PHACTR3: variants seen among roughly 807,000 people sequenced by gnomAD.
PHACTR3 encodes phosphatase and actin regulator 3.
Under a neutral mutation model 66.8 loss-of-function variants are expected in PHACTR3, and 16 were observed. The observed-to-expected ratio is 0.24, with a 90% CI of 0.16 to 0.36. The LOEUF is 0.36. PHACTR3 is among the 10% of genes least tolerant of loss of function. PHACTR3 has a pLI of 1.00. For synonymous variants in PHACTR3, 323 were observed against 292.1 expected (o/e 1.11, Z -1.08); for missense variants, 647 against 719.9 (o/e 0.90, Z 1.16).
chr20:59,595,135 T>C (rs1263517439), intron 1 of PHACTR3, among the ~76,000 whole-genome samples: 1 of 152,230 alleles, frequency 6.6e-6, no homozygotes, highest in African/African-American at 2.4e-5. Flanking sequence ...AATTTCACTG[T>C]GGCCTGAGAG....
At chr20:59,828,156 G>A (rs866973179) in intron 8 of PHACTR3, among the ~76,000 whole-genome samples, 1 of 152,350 alleles carries the variant, frequency 6.6e-6, no homozygotes, top group Middle Eastern at 3.4e-3. Flanking sequence ...ACACACACAG[G>A]AGGTATTTTG....
chr20:59,771,716 C>T (rs1601318028), intron 5 of PHACTR3, among the ~76,000 whole-genome samples: 2 of 152,356 alleles, frequency 1.3e-5, no homozygotes, highest in East Asian at 3.9e-4. Context: ...GACGGCAGGG[C>T]CTGGCCCGTT....
At chr20:59,745,830 C>A (rs549750202) in intron 2 of PHACTR3, among the ~76,000 whole-genome samples, 1 of 152,220 alleles carries the variant, frequency 6.6e-6, no homozygotes, top group South Asian at 2.1e-4. Context: ...CCACCACTGA[C>A]GTCCCCATCC....
At chr20:59,761,985 C>T (rs1013833195) in intron 4 of PHACTR3, among the ~76,000 whole-genome samples, 1 of 152,216 alleles carries the variant, frequency 6.6e-6, no homozygotes, top group Admixed American at 6.5e-5. Context: ...ACAGATGTTG[C>T]AATTTCAGTT....
chr20:59,662,310 G>A (rs1357925865), intron 1 of PHACTR3, among the ~76,000 whole-genome samples: 1 of 152,278 alleles, frequency 6.6e-6, no homozygotes, highest in East Asian at 1.9e-4. Flanking sequence ...CCAGCTTGGG[G>A]TGGGGTGGGG....
At chr20:59,596,664 G>A (rs185543339) in intron 1 of PHACTR3, among the ~76,000 whole-genome samples, 4 of 152,180 alleles carry the variant, frequency 2.6e-5, no homozygotes, top group South Asian at 2.1e-4. Context: ...GTTATTCTGC[G>A]TGTAACACCT....
At chr20:59,745,507 G>A (rs181165328) in intron 2 of PHACTR3, among the ~76,000 whole-genome samples, 2 of 152,366 alleles carry the variant, frequency 1.3e-5, no homozygotes, top group East Asian at 1.9e-4. Context: ...GGAAATTCGA[G>A]GAACAGTGCT....
intron 4 of PHACTR3, among the ~76,000 whole-genome samples, chr20:59,757,049 T>C (rs894020723): frequency 7.9e-5 from 12 of 152,222 alleles, no homozygotes; most frequent in Admixed American, 6.5e-5. Context: ...GTGAAGGATA[T>C]GAACAGACAC....
chr20:59,810,356 C>A (rs916866684), intron 8 of PHACTR3, among the ~76,000 whole-genome samples: 4 of 152,242 alleles, frequency 2.6e-5, no homozygotes, highest in Non-Finnish European at 5.9e-5. Flanking sequence ...AATGTAGTAG[C>A]TCCCTGCTAT....
chr20:59,654,174 C>T (rs1055425846), intron 1 of PHACTR3, among the ~76,000 whole-genome samples: 18 of 152,166 alleles, frequency 1.2e-4, no homozygotes, highest in African/African-American at 3.6e-4. Flanking sequence ...AATTGGTCAC[C>T]GTTGTATATT....
intron 1 of PHACTR3, among the ~76,000 whole-genome samples, chr20:59,585,020 T>C (rs117124140): frequency 0.012 from 1,755 of 152,254 alleles, 17 homozygotes; most frequent in Admixed American, 0.027. Context: ...ATATACATAT[T>C]AGGGGGAGTA....
intron 1 of PHACTR3, among the ~76,000 whole-genome samples, chr20:59,637,846 G>C (rs796881093): frequency 2.8e-4 from 42 of 152,262 alleles, no homozygotes; most frequent in African/African-American, 1.0e-3. Flanking sequence ...CTATGAGGGT[G>C]GCTACCATTT....
intron 7 of PHACTR3, among the ~76,000 whole-genome samples, chr20:59,777,295 A>C (rs1308510260): frequency 6.6e-6 from 1 of 152,194 alleles, no homozygotes; most frequent in Non-Finnish European, 1.5e-5. Context: ...TTTCCAAATA[A>C]GGTCACTTTC....
intron 1 of PHACTR3, among the ~76,000 whole-genome samples, chr20:59,658,359 T>A (rs1395768684): frequency 6.6e-6 from 1 of 152,090 alleles, no homozygotes; most frequent in Non-Finnish European, 1.5e-5. Flanking sequence ...TGCACTTTCC[T>A]GTGTTTTTAT....
At chr20:59,732,998 A>T (rs569344334) in intron 1 of PHACTR3, among the ~76,000 whole-genome samples, 1 of 152,114 alleles carries the variant, frequency 6.6e-6, no homozygotes, top group East Asian at 1.9e-4. Flanking sequence ...TGTAGAAAAA[A>T]GCCTATAAGC....
intron 1 of PHACTR3, among the ~76,000 whole-genome samples, chr20:59,695,321 AGTGAGT>A (rs1303684114): frequency 6.6e-6 from 1 of 152,112 alleles, no homozygotes; most frequent in Non-Finnish European, 1.5e-5. Context: ...TTCTCATGAT[AGTGAGT>A]GTGTTCTTAT....
At chr20:59,747,663 G>A in intron 2 of PHACTR3, 95 bp from the exon 3 acceptor site, 1 of 1,417,702 alleles carries the variant, frequency 7.1e-7, no homozygotes, top group Non-Finnish European at 9.8e-7. Flanking sequence ...CAGTGTTTTT[G>A]GTCTGTAAAC....
At chr20:59,686,935 GTGA>G (rs1262249933) in intron 1 of PHACTR3, among the ~76,000 whole-genome samples, 32 of 144,638 alleles carry the variant, frequency 2.2e-4, no homozygotes, top group Non-Finnish European at 3.4e-4. Flanking sequence ...GATGATGGTG[GTGA>G]TGATGGTGGT....
intron 1 of PHACTR3, among the ~76,000 whole-genome samples, chr20:59,711,575 C>T (rs961522052): frequency 3.3e-5 from 5 of 152,128 alleles, no homozygotes; most frequent in African/African-American, 1.2e-4. Context: ...ATTTAATATA[C>T]CTAATCTACT....
Sources: gnomAD v4.1 joint callset for allele counts (sites outside exome capture counted in the v4.1 genomes callset) on GRCh38, gnomAD v4.1.1 for gene constraint, MANE v1.5 for transcripts, NCBI Gene and HGNC (gene_info 2026-07-23, HGNC 2026-07-21) for gene names.